The following ACVR2A variants were observed in gnomAD, a reference collection of about 807,000 sequenced individuals.
ACVR2A encodes the protein activin A receptor type 2A, also known as activin receptor type-2A.
Under a neutral mutation model 61.4 loss-of-function variants are expected in ACVR2A, and 7 were observed. The observed-to-expected ratio is 0.11, with a 90% confidence interval of 0.06 to 0.21. ACVR2A has a LOEUF of 0.21. Ranked by LOEUF, ACVR2A falls within the 10% of genes least tolerant of loss-of-function variation. ACVR2A has a pLI of 1.00. For missense variants in ACVR2A, 322 were observed against 621.7 expected (o/e 0.52, Z 5.13); for synonymous variants, 193 against 208.3 (o/e 0.93, Z 0.63).
chr2:147,916,383 A>G (rs756822271), intron 5 of ACVR2A, among the ~76,000 whole-genome samples: 16 of 151,986 alleles, frequency 1.1e-4, no homozygotes, highest in Non-Finnish European at 2.2e-4. Context: ...AACAGTAGCT[A>G]ACATTTTATT....
At chr2:147,906,309 G>C (rs901292682) in intron 4 of ACVR2A, among the ~76,000 whole-genome samples, 3 of 152,078 alleles carry the variant, frequency 2.0e-5, no homozygotes, top group African/African-American at 7.2e-5. Context: ...CTCAATGCTT[G>C]ATTGCCTATG....
chr2:147,885,549 C>T (rs1424941), intron 1 of ACVR2A, among the ~76,000 whole-genome samples: 21,728 of 152,014 alleles, frequency 0.14, 1,917 homozygotes, highest in Middle Eastern at 0.23. Context: ...TAGTATGTAC[C>T]TGTAGCACAA....
chr2:147,847,174 A>G (rs979020630), intron 1 of ACVR2A, among the ~76,000 whole-genome samples: 6 of 152,158 alleles, frequency 3.9e-5, no homozygotes, highest in Non-Finnish European at 7.4e-5. Context: ...TTCCACTTAT[A>G]TTAAACTAAT....
chr2:147,921,290 C>G (rs940061696), intron 8 of ACVR2A, among the ~76,000 whole-genome samples: 2 of 152,116 alleles, frequency 1.3e-5, no homozygotes, highest in African/African-American at 4.8e-5. Context: ...CCACCTCGGC[C>G]TCCCAAAGTG....
intron 1 of ACVR2A, among the ~76,000 whole-genome samples, chr2:147,855,867 A>G (rs1298119870): frequency 6.6e-6 from 1 of 151,962 alleles, no homozygotes; most frequent in African/African-American, 2.4e-5. Flanking sequence ...AAGCATTCCT[A>G]TTTCTCTCTG....
At chr2:147,860,315 G>A (rs1685697890) in intron 1 of ACVR2A, among the ~76,000 whole-genome samples, 1 of 152,038 alleles carries the variant, frequency 6.6e-6, no homozygotes, top group African/African-American at 2.4e-5. Context: ...AGGGCCACCT[G>A]GCCACCCAGA....
chr2:147,849,591 AC>A (rs1477239251), intron 1 of ACVR2A, among the ~76,000 whole-genome samples: 1 of 152,138 alleles, frequency 6.6e-6, no homozygotes, highest in Non-Finnish European at 1.5e-5. Context: ...CTAAATCTTG[AC>A]CATAATTAAT....
intron 1 of ACVR2A, among the ~76,000 whole-genome samples, chr2:147,890,168 AAAC>A (rs1448916599): frequency 6.6e-6 from 1 of 152,122 alleles, no homozygotes; most frequent in Non-Finnish European, 1.5e-5. Flanking sequence ...AGAAAAACAA[AAAC>A]AACAACAAAC....
intron 1 of ACVR2A, 151 bp downstream of exon 1, chr2:147,845,358 C>T (rs1235394243): frequency 1.1e-5 from 6 of 539,692 alleles, no homozygotes; most frequent in African/African-American, 2.4e-5. Context: ...GCCCCCCCCC[C>T]CCGCCCCCAG....
chr2:147,866,333 TG>T (rs1685854082), intron 1 of ACVR2A, among the ~76,000 whole-genome samples: 1 of 152,218 alleles, frequency 6.6e-6, no homozygotes, highest in Non-Finnish European at 1.5e-5. Context: ...AGCTTTAATA[TG>T]CATAGGAACC....
intron 1 of ACVR2A, among the ~76,000 whole-genome samples, chr2:147,864,014 T>A (rs1229599227): frequency 1.3e-5 from 2 of 152,228 alleles, no homozygotes; most frequent in East Asian, 3.8e-4. Context: ...TTTTGACTCA[T>A]ATTTAGAACA....
intron 1 of ACVR2A, among the ~76,000 whole-genome samples, chr2:147,895,457 G>A (rs900710236): frequency 2.6e-5 from 4 of 152,128 alleles, no homozygotes; most frequent in African/African-American, 9.7e-5. Context: ...TTTTCATTGT[G>A]TTTAGTGCAA....
At chr2:147,864,932 A>T (rs753169578) in intron 1 of ACVR2A, among the ~76,000 whole-genome samples, 1 of 152,192 alleles carries the variant, frequency 6.6e-6, no homozygotes, top group Non-Finnish European at 1.5e-5. Context: ...CTCTAAAAAT[A>T]CACATTCTGA....
intron 10 of ACVR2A, among the ~76,000 whole-genome samples, chr2:147,926,683 G>A (rs2105225898): frequency 6.6e-6 from 1 of 151,994 alleles, no homozygotes. Flanking sequence ...AAACCAGGTA[G>A]AGAAATCCCA....
rs566617944 is a variant in ACVR2A at position 147,882,348 on chromosome 2, C to T, written c.56-13953C>T. Reference sequence around the variant, plus strand: ...GGCGGATCACTTGAGGTCAGGAGTTCGAGACCAGCCTGGCCATCATGGCGA... The same window carrying T: ...GGCGGATCACTTGAGGTCAGGAGTTTGAGACCAGCCTGGCCATCATGGCGA... On this transcript the variant is annotated intron_variant, in intron 1 of 10. Coordinates refer to ENST00000241416, the MANE Select transcript of ACVR2A (RefSeq NM_001616.5). Among the ~76,000 whole-genome samples, 4 of 152,260 alleles carry T rather than the reference C, an allele frequency of 2.6e-5. No homozygotes were observed. The East Asian group carries it at 5.8e-4, about 22-fold the overall frequency.
intron 5 of ACVR2A, 151 bp downstream of exon 5, chr2:147,915,485 G>T: frequency 1.3e-6 from 1 of 781,304 alleles, no homozygotes; most frequent in South Asian, 1.8e-5. Context: ...GCCTGCCTTT[G>T]CATCTGAGAA....
At chr2:147,869,986 TC>T (rs1325335830) in intron 1 of ACVR2A, among the ~76,000 whole-genome samples, 1 of 151,380 alleles carries the variant, frequency 6.6e-6, no homozygotes, top group African/African-American at 2.4e-5. Flanking sequence ...TTTATGTAGG[TC>T]CTTGAATGTC....
intron 10 of ACVR2A, among the ~76,000 whole-genome samples, 180 bp downstream of exon 10, chr2:147,926,341 T>C (rs1038382752): frequency 2.0e-5 from 3 of 151,944 alleles, no homozygotes; most frequent in South Asian, 2.1e-4. Flanking sequence ...CTGAAGGTGA[T>C]TGTAAAGTAA....
chr2:147,916,051 T>TA (rs1239463071), intron 5 of ACVR2A, among the ~76,000 whole-genome samples: 1 of 151,904 alleles, frequency 6.6e-6, no homozygotes, highest in Admixed American at 6.6e-5. Flanking sequence ...CCACCATACT[T>TA]AGAGAGTGGA....
Sources: gnomAD v4.1 joint callset for allele counts (sites outside exome capture counted in the v4.1 genomes callset) on GRCh38, gnomAD v4.1.1 for gene constraint, MANE v1.5 for transcripts, NCBI Gene and HGNC (gene_info 2026-07-23, HGNC 2026-07-21) for gene names.